The following CLIP3 variants were observed in gnomAD, a reference collection of about 807,000 sequenced individuals.
CLIP3 encodes the protein CAP-Gly domain-containing linker protein 3.
A neutral mutation model predicts 59.4 loss-of-function variants in CLIP3; 15 were observed. The observed-to-expected ratio is 0.25, with a 90% CI of 0.17 to 0.39. The LOEUF is 0.39. Among genes scored for constraint, CLIP3 ranks in the 10% least tolerant of loss-of-function variants. The pLI is 1.00. For synonymous variants in CLIP3, 300 were observed against 321.6 expected (o/e 0.93, Z 0.72); for missense variants, 495 against 765.7 (o/e 0.65, Z 4.17).
At position 36,026,899 on chromosome 19, in the gene CLIP3, G is replaced by A. The variant is rs1969128880; in HGVS notation, c.400+53C>T. 1.1e-5 allele frequency: 16 copies of A among 1,523,480 alleles called. No homozygotes were observed. Among genetic ancestry groups the A allele is most frequent in the South Asian group, 9.0e-5 (7 of 77,400 alleles). 94.4% of individuals were successfully genotyped at this position (1,523,480 alleles called of 1,614,324 possible). A position where few individuals can be genotyped will look rare whatever the true frequency, so the allele number is the denominator to read the frequency against. On this transcript the variant is annotated intron_variant, in intron 4 of 13. Transcript: ENST00000360535. This position sits in a 1 kb window ranked among gnomAD's most constrained non-coding sequence, Gnocchi z 6.3. ...GTTCTGGGTGGTTTTCAGCGTGTTG[G>A]GTCTGGGGGCCTAGGCTTTGGGGCT... is the stretch of plus-strand genomic sequence containing the variant.
intron 11 of CLIP3, 87 bp downstream of exon 11, chr19:36,017,568 C>A: frequency 6.2e-7 from 1 of 1,603,690 alleles, no homozygotes; most frequent in Non-Finnish European, 8.5e-7. Flanking sequence ...TCCACACTGT[C>A]CTGCTGGTCT....
At chr19:36,024,296 AG>A in intron 7 of CLIP3, 99 bp downstream of exon 7, 5 of 963,102 alleles carry the variant, frequency 5.2e-6, no homozygotes, top group Non-Finnish European at 6.2e-6. Context: ...AAGTAGACAA[AG>A]GGCAGGGACT....
intron 7 of CLIP3, among the ~76,000 whole-genome samples, chr19:36,019,600 TTTATTTA>T (rs1968899906): frequency 2.4e-5 from 2 of 83,892 alleles, no homozygotes; most frequent in Non-Finnish European, 4.7e-5. Flanking sequence ...ATTTATTTAT[TTTATTTA>T]TTTTTTTTTT....
At chr19:36,025,458 G>A (rs1969076586) in intron 6 of CLIP3, among the ~76,000 whole-genome samples, 2 of 152,052 alleles carry the variant, frequency 1.3e-5, no homozygotes, top group Admixed American at 6.5e-5. Context: ...GGGTGTGGTG[G>A]CGCATGCCTA....
chr19:36,019,569 T>G (rs536001371), intron 7 of CLIP3, among the ~76,000 whole-genome samples: 102 of 151,948 alleles, frequency 6.7e-4, no homozygotes, highest in African/African-American at 2.4e-3. Flanking sequence ...ACTAGCCACA[T>G]AGGACAATGT....
At chr19:36,021,487 GT>G (rs914748311) in intron 7 of CLIP3, among the ~76,000 whole-genome samples, 1 of 151,320 alleles carries the variant, frequency 6.6e-6, no homozygotes, top group African/African-American at 2.4e-5. Flanking sequence ...GTCTCACCAT[GT>G]TGATTGCCCA....
Position 36,026,646 on chromosome 19 carries a change from C to T in CLIP3, c.502G>A (p.Ala168Thr). The part of the protein sequence containing the change: ...RWTNMNALHY[A>T]AYFDVPDLVR... The stretch of plus-strand genomic sequence containing the variant: ...AGGTCGGGCACATCAAAATAGGCCG[C>T]GTAGTGAAGCGCGTTCATGTTGGTC... The change falls in exon 5 of 14, where the codon GCG (alanine) becomes ACG (threonine). Residue 168 changes from alanine to threonine, a missense_variant. Around this residue, in one of 5 missense-constraint regions of CLIP3, gnomAD observed 194 missense variants for 327.8 expected, o/e 0.59. Coordinates refer to ENST00000360535, the MANE Select transcript of CLIP3 (RefSeq NM_015526.3). This position sits in a 1 kb window ranked among gnomAD's most constrained non-coding sequence, Gnocchi z 6.3. 1 of 1,613,440 alleles carries T rather than the reference C, an allele frequency of 6.2e-7. No individual in the cohort carries two copies. The highest frequency in any genetic ancestry group is 8.5e-7 in the Non-Finnish European group (1 of 1,179,852).
intron 7 of CLIP3, among the ~76,000 whole-genome samples, chr19:36,023,069 A>C (rs2145398833): frequency 6.6e-6 from 1 of 152,048 alleles, no homozygotes; most frequent in Non-Finnish European, 1.5e-5. Flanking sequence ...TAATAATAAT[A>C]ATAATCATAA....
At chr19:36,023,629 C>T (rs1599698714) in intron 7 of CLIP3, among the ~76,000 whole-genome samples, 1 of 151,216 alleles carries the variant, frequency 6.6e-6, no homozygotes, top group Non-Finnish European at 1.5e-5. Context: ...TCTCTAACAA[C>T]TCCTGACCTC....
intron 11 of CLIP3, 100 bp downstream of exon 11, chr19:36,017,555 G>T (rs1968832076): frequency 5.6e-6 from 9 of 1,596,366 alleles, no homozygotes; most frequent in Admixed American, 1.7e-5. Flanking sequence ...GGGCTCGGGG[G>T]TGTCCACACT....
intron 2 of CLIP3, among the ~76,000 whole-genome samples, chr19:36,029,439 C>T (rs1599704757): frequency 1.3e-5 from 2 of 151,540 alleles, no homozygotes; most frequent in Admixed American, 1.3e-4. Context: ...GTATACATCA[C>T]CATGCCCAGC....
chr19:36,017,321 A>G (rs963800778), intron 12 of CLIP3, 65 bp downstream of exon 12: 3 of 1,456,916 alleles, frequency 2.1e-6, no homozygotes, highest in Non-Finnish European at 2.9e-6. Context: ...TATACCTGAG[A>G]ACCCATGACC....
In CLIP3 at chr19:36,026,206, T is replaced by C; in HGVS notation, c.622A>G (p.Ser208Gly). ...HGSALHIAAS[S>G]LCLGAAKCLL... The stretch of plus-strand genomic sequence containing the variant: ...CATTTGGCGGCGCCCAGGCACAGGC[T>C]GGAAGCAGCGATGTGCAGGGCTGAG... The change falls in exon 6 of 14, where the codon AGC becomes GGC. Residue 208 changes from serine (S) to glycine (G), a missense_variant. By Grantham distance (56) the Ser-to-Gly change is moderately conservative. This residue lies in a region of CLIP3 where 194 missense variants were observed against 327.8 expected (regional missense o/e 0.59). Transcript: ENST00000360535. This position sits in a 1 kb window ranked among gnomAD's most constrained non-coding sequence, Gnocchi z 6.3. 3 of 1,613,814 alleles carry C rather than the reference T, an allele frequency of 1.9e-6. No individual in the cohort carries two copies. The South Asian group carries it at 3.3e-5, about 18-fold the overall frequency.
intron 2 of CLIP3, among the ~76,000 whole-genome samples, chr19:36,028,694 T>A (rs1016042276): frequency 3.9e-5 from 6 of 152,046 alleles, no homozygotes; most frequent in Non-Finnish European, 2.9e-5. Context: ...CCATCCAGAG[T>A]ACAGACCAAA....
rs200125073 is a variant in CLIP3 at position 36,024,612 on chromosome 19, C to T, written c.702G>A (p.Pro234=). The T allele has an allele frequency of 1.3e-4, 206 of 1,614,166 alleles. 2 individuals carry two copies. In the East Asian group the frequency reaches 1.5e-3, roughly 12 times the overall value. Residue 234 remains proline (P), a synonymous_variant, in exon 7 of 14, where the codon CCG becomes CCA. Coordinates refer to ENST00000360535, the MANE Select transcript of CLIP3 (RefSeq NM_015526.3). The stretch of plus-strand genomic sequence containing the variant: ...CCATAGGATCTGGGACCACCTCCGC[C>T]GGCACCTGTCCTTTTCGATTCTGGG... The part of the protein sequence containing the change: ...PALRNRKGQV[P]AEVVPDPMDM...
chr19:36,018,392 AACAT>A (rs1968857845), intron 9 of CLIP3, among the ~76,000 whole-genome samples: 1 of 152,152 alleles, frequency 6.6e-6, no homozygotes, highest in African/African-American at 2.4e-5. Flanking sequence ...CAGCCTGGCC[AACAT>A]GGCAAAACCC....
rs187990595 is a variant in CLIP3 at position 36,014,679 on chromosome 19, T to C, written c.*1479A>G. 3 of 246,340 alleles carry C rather than the reference T, an allele frequency of 1.2e-5. No homozygotes were observed. Among genetic ancestry groups the C allele is most frequent in the African/African-American group, 2.4e-5 (1 of 42,220 alleles). 15.3% of individuals were successfully genotyped at this position (246,340 alleles called of 1,614,324 possible). A position where few individuals can be genotyped will look rare whatever the true frequency, so the allele number is the denominator to read the frequency against. ...CAGAGAGGCCATAGAAACGTCTTTA[T>C]TGAAGAGGACAGGAGTCATGCTGAG... On this transcript the variant is annotated 3_prime_UTR_variant, in exon 14 of 14. Coordinates refer to ENST00000360535, the MANE Select transcript of CLIP3 (RefSeq NM_015526.3).
Position 36,016,274 on chromosome 19 carries a change from AC to A in CLIP3, c.1590-63del. 1 of 1,581,306 alleles carries A rather than the reference AC, an allele frequency of 6.3e-7. No individual in the cohort carries two copies. Among genetic ancestry groups the A allele is most frequent in the African/African-American group, 1.3e-5 (1 of 74,236 alleles). ...GGCAGCGGGGACATCTGCACCCATC[AC>A]CCCCAGCCTTTCCCCCAGTGTTTGC... On this transcript the variant is annotated intron_variant, in intron 13 of 13. Coordinates refer to ENST00000360535, the MANE Select transcript of CLIP3 (RefSeq NM_015526.3). This position sits in a 1 kb window ranked among gnomAD's most constrained non-coding sequence, Gnocchi z 4.1.
rs73928382 is a variant in CLIP3, at chr19:36,023,521, A to C, written c.918+875T>G. Among the ~76,000 whole-genome samples the C allele has an allele frequency of 8.5e-3, 1,293 of 152,194 alleles. 17 individuals are homozygous for C. Among genetic ancestry groups the C allele is most frequent in the African/African-American group, 0.03 (1,240 of 41,506 alleles). On this transcript the variant is annotated intron_variant, in intron 7 of 13. Coordinates refer to ENST00000360535, the MANE Select transcript of CLIP3 (RefSeq NM_015526.3). ...CAGCCAGGGACAATTTACTAAATCC[A>C]AACATGTAATGGTGTTGACAGCCCT...
Sources: gnomAD v4.1 joint callset for allele counts (sites outside exome capture counted in the v4.1 genomes callset) on GRCh38, gnomAD v4.1.1 for gene constraint, gnomAD v4.1.1 regional missense constraint, Gnocchi (gnomAD v3.1) non-coding constraint, MANE v1.5 for transcripts, NCBI Gene and HGNC (gene_info 2026-07-23, HGNC 2026-07-21) for gene names.